The following YTHDC2 variants were observed in gnomAD, a reference collection of about 807,000 sequenced individuals.
YTHDC2 encodes the protein YTH N6-methyladenosine RNA binding protein C2.
YTHDC2 carries 45 observed loss-of-function variants against 174.9 expected under a neutral mutation model. The ratio of observed to expected loss-of-function variants is 0.26; its 90% CI spans 0.20 to 0.33. The LOEUF (loss-of-function observed/expected upper bound fraction) is 0.33, where lower values mean the gene tolerates loss of function less well. YTHDC2 is among the 10% of genes least tolerant of loss of function. The pLI is 1.00. For missense variants in YTHDC2, 1,650 were observed against 1,723.7 expected, an observed-to-expected ratio of 0.96 and a Z score of 0.76; for synonymous variants, 657 against 574.5, an observed-to-expected ratio of 1.14 and a Z score of -2.05.
chr5:113,567,908 A>T, intron 23 of YTHDC2, 59 bp downstream of exon 23: 1 of 1,305,564 alleles, frequency 7.7e-7, no homozygotes, highest in Non-Finnish European at 1.0e-6. Flanking sequence ...TTTACCAAAT[A>T]ATGAAATTAT....
chr5:113,540,110 A>G (rs1561646717), intron 8 of YTHDC2, among the ~76,000 whole-genome samples: 1 of 151,964 alleles, frequency 6.6e-6, no homozygotes, highest in Admixed American at 6.6e-5. Flanking sequence ...CTGGTCTTGA[A>G]CTCCTGGCCT....
intron 10 of YTHDC2, among the ~76,000 whole-genome samples, chr5:113,543,301 C>G (rs1271371051): frequency 1.3e-5 from 2 of 152,158 alleles, no homozygotes; most frequent in African/African-American, 4.8e-5. Flanking sequence ...TTGTGTTTCC[C>G]TTTTCAGTAA....
chr5:113,561,232 G>A, intron 18 of YTHDC2, 47 bp downstream of exon 18: 2 of 1,463,236 alleles, frequency 1.4e-6, no homozygotes, highest in Non-Finnish European at 1.9e-6. Context: ...GGTGAGGGAA[G>A]TGAGGGGCCA....
In YTHDC2 at chr5:113,592,005, A is replaced by T. The variant is rs1448640592; in HGVS notation, c.4039A>T (p.Arg1347Trp). The change falls in exon 28 of 30, where the codon AGG becomes TGG. Residue 1347 changes from arginine to tryptophan, a missense_variant. By Grantham distance (101) the Arg-to-Trp change is moderately radical. Around this residue, in one of 5 missense-constraint regions of YTHDC2, gnomAD observed 913 missense variants for 940.4 expected, o/e 0.97. Coordinates refer to ENST00000161863, the MANE Select transcript of YTHDC2 (RefSeq NM_022828.5). The stretch of plus-strand genomic sequence containing the variant: ...CCCATTTTACCTACAGGGATTTTCT[A>T]GGATGTCTTCTGAGATTGGAAGGGA... ...QGSGHFQGFS[R>W]MSSEIGREKS... The T allele has an allele frequency of 6.2e-7, 1 of 1,605,122 alleles. No individual in the cohort carries two copies. Among genetic ancestry groups the T allele is most frequent in the Non-Finnish European group, 8.5e-7 (1 of 1,175,400 alleles).
At chr5:113,587,418 T>C (rs1778736280) in intron 26 of YTHDC2, among the ~76,000 whole-genome samples, 1 of 62,666 alleles carries the variant, frequency 1.6e-5, no homozygotes, top group Non-Finnish European at 2.4e-5. Flanking sequence ...ATATATATTA[T>C]GTATTCATAT....
chr5:113,549,108 C>A, intron 12 of YTHDC2, 88 bp downstream of exon 12: 1 of 1,103,032 alleles, frequency 9.1e-7, no homozygotes, highest in South Asian at 1.5e-5. Context: ...AAATGTAGAC[C>A]ATTTATAGTC....
intron 10 of YTHDC2, among the ~76,000 whole-genome samples, chr5:113,546,197 A>G (rs111953783): frequency 0.031 from 4,773 of 152,294 alleles, 96 homozygotes; most frequent in African/African-American, 0.054. Context: ...TAAATTCTGA[A>G]AACAGTGACT....
intron 25 of YTHDC2, chr5:113,582,936 G>A (rs1292786931): frequency 1.3e-5 from 2 of 152,122 alleles, no homozygotes; most frequent in Non-Finnish European, 1.5e-5. Context: ...AGACTAAGAA[G>A]TAATTTTTTT....
At chr5:113,531,536 C>T (rs1373698840) in intron 4 of YTHDC2, among the ~76,000 whole-genome samples, 1 of 152,062 alleles carries the variant, frequency 6.6e-6, no homozygotes, top group East Asian at 1.9e-4. Context: ...ATAAACTCCT[C>T]TGTGTCTACG....
chr5:113,584,713 T>C (rs1198166048), intron 26 of YTHDC2, among the ~76,000 whole-genome samples: 1 of 151,660 alleles, frequency 6.6e-6, no homozygotes, highest in Non-Finnish European at 1.5e-5. Flanking sequence ...AAACTATAGA[T>C]CATTCACTAC....
At chr5:113,591,343 C>G (rs895698291) in intron 27 of YTHDC2, 99 bp downstream of exon 27, 12 of 1,204,946 alleles carry the variant, frequency 1.0e-5, no homozygotes, top group Non-Finnish European at 1.4e-5. Flanking sequence ...CATCAGAATG[C>G]AAGAATGCCT....
chr5:113,523,357 C>T (rs941557999), intron 2 of YTHDC2, among the ~76,000 whole-genome samples: 2 of 152,094 alleles, frequency 1.3e-5, no homozygotes, highest in Non-Finnish European at 2.9e-5. Context: ...TACTAGCCTC[C>T]TACCATTTGC....
chr5:113,588,787 T>C (rs932823380), intron 26 of YTHDC2, among the ~76,000 whole-genome samples: 2 of 151,400 alleles, frequency 1.3e-5, no homozygotes, highest in Non-Finnish European at 2.9e-5. Flanking sequence ...CATGCCTGGC[T>C]AAGTTTTTGT....
At chr5:113,534,482 G>T in intron 6 of YTHDC2, 75 bp downstream of exon 6, 3 of 1,346,500 alleles carry the variant, frequency 2.2e-6, no homozygotes, top group Non-Finnish European at 3.1e-6. Context: ...TTTCAGGATA[G>T]TCTCAAAAAA....
intron 7 of YTHDC2, 85 bp from the exon 8 acceptor site, chr5:113,538,989 G>A: frequency 3.1e-6 from 2 of 653,766 alleles, no homozygotes; most frequent in South Asian, 4.3e-5. Context: ...ATTATACTGA[G>A]ATTCATTAAC....
chr5:113,535,013 C>T (rs1039616816), intron 6 of YTHDC2, among the ~76,000 whole-genome samples: 2 of 152,098 alleles, frequency 1.3e-5, no homozygotes, highest in African/African-American at 2.4e-5. Flanking sequence ...CTAAAAGAAA[C>T]GTATTTACAT....
At chr5:113,533,162 A>G in intron 5 of YTHDC2, 117 bp downstream of exon 5, 1 of 1,135,666 alleles carries the variant, frequency 8.8e-7, no homozygotes, top group Non-Finnish European at 1.2e-6. Flanking sequence ...TGCTCCAAGT[A>G]AGTCTACATC....
At chr5:113,530,531 T>C (rs1205367351) in intron 4 of YTHDC2, among the ~76,000 whole-genome samples, 1 of 152,160 alleles carries the variant, frequency 6.6e-6, no homozygotes, top group Non-Finnish European at 1.5e-5. Flanking sequence ...TGCGAGTACC[T>C]TAAATAACAA....
At chr5:113,589,171 G>A (rs999339173) in intron 26 of YTHDC2, among the ~76,000 whole-genome samples, 8 of 151,266 alleles carry the variant, frequency 5.3e-5, no homozygotes, top group African/African-American at 1.2e-4. Context: ...TCCTTTCTGG[G>A]ACTCTGGATA....
Sources: allele counts gnomAD v4.1 joint callset (sites outside exome capture counted in the v4.1 genomes callset), GRCh38; gene constraint gnomAD v4.1.1; regional missense constraint gnomAD v4.1.1; transcripts MANE v1.5; gene names NCBI Gene and HGNC (gene_info 2026-07-23, HGNC 2026-07-21).